CYP7B1: variants seen among roughly 807,000 people sequenced by gnomAD.
CYP7B1 encodes the protein cytochrome P450 family 7 subfamily B member 1.
In CYP7B1, 29 loss-of-function variants were observed where a neutral mutation model predicts 42.7. That is an observed-to-expected ratio of 0.68 (90% confidence interval 0.51 to 0.93). The LOEUF (loss-of-function observed/expected upper bound fraction) is 0.93. Among genes scored for constraint, CYP7B1 ranks in the 40% least tolerant of loss-of-function variants. The pLI is 0.00. For synonymous variants in CYP7B1, 235 were observed against 218.2 expected (o/e 1.08, Z -0.68); for missense variants, 655 against 600.5 (o/e 1.09, Z -0.95).
chr8:64,636,002 G>A (rs1035896155), intron 1 of CYP7B1, among the ~76,000 whole-genome samples: 1 of 152,136 alleles, frequency 6.6e-6, no homozygotes, highest in Non-Finnish European at 1.5e-5. Context: ...AATCTGGGAG[G>A]GGTGCTTAGG....
intron 4 of CYP7B1, among the ~76,000 whole-genome samples, chr8:64,609,644 G>A (rs1028452464): frequency 3.9e-4 from 60 of 152,046 alleles, no homozygotes; most frequent in African/African-American, 1.4e-3. Flanking sequence ...AGTTGGAAAA[G>A]TACAGAATTA....
intron 1 of CYP7B1, among the ~76,000 whole-genome samples, chr8:64,655,400 G>A (rs1192513642): frequency 1.3e-5 from 2 of 152,142 alleles, no homozygotes; most frequent in African/African-American, 4.8e-5. Flanking sequence ...CATACATGTG[G>A]CCAACAAGCG....
At chr8:64,688,542 C>T (rs1806691143) in intron 1 of CYP7B1, among the ~76,000 whole-genome samples, 1 of 152,154 alleles carries the variant, frequency 6.6e-6, no homozygotes, top group Non-Finnish European at 1.5e-5. Context: ...CTTTAAAATG[C>T]ACACATCCCC....
chr8:64,790,356 A>G (rs1804597114), intron 1 of CYP7B1, among the ~76,000 whole-genome samples: 1 of 152,206 alleles, frequency 6.6e-6, no homozygotes, highest in Non-Finnish European at 1.5e-5. Context: ...CCATAGGAAT[A>G]AGGCAGCCAA....
At chr8:64,680,798 T>C (rs1435314452) in intron 1 of CYP7B1, among the ~76,000 whole-genome samples, 1 of 152,242 alleles carries the variant, frequency 6.6e-6, no homozygotes, top group East Asian at 1.9e-4. Flanking sequence ...TGTTATGTTA[T>C]ATTTGTGAGA....
intron 1 of CYP7B1, among the ~76,000 whole-genome samples, chr8:64,780,767 G>A (rs529477661): frequency 1.8e-4 from 27 of 152,140 alleles, no homozygotes; most frequent in Middle Eastern, 6.8e-3. Flanking sequence ...TTTCTTCTGC[G>A]GATGTGGCTC....
intron 1 of CYP7B1, among the ~76,000 whole-genome samples, chr8:64,773,866 C>A (rs1045254500): frequency 6.6e-6 from 1 of 152,114 alleles, no homozygotes; most frequent in Admixed American, 6.5e-5. Flanking sequence ...AATAAATAAC[C>A]CACTCCCATG....
intron 1 of CYP7B1, among the ~76,000 whole-genome samples, chr8:64,786,933 A>T (rs1563428129): frequency 6.6e-6 from 1 of 152,222 alleles, no homozygotes; most frequent in Non-Finnish European, 1.5e-5. Flanking sequence ...GAAGCTGCCA[A>T]AACTTGAGGC....
At chr8:64,751,244 A>G (rs13272719) in intron 1 of CYP7B1, among the ~76,000 whole-genome samples, 40,946 of 152,138 alleles carry the variant, frequency 0.27, 6,797 homozygotes, top group African/African-American at 0.47. Flanking sequence ...AACCACTGCT[A>G]GTATTTAGGT....
intron 1 of CYP7B1, among the ~76,000 whole-genome samples, chr8:64,771,846 GGACA>G (rs755650847): frequency 2.0e-5 from 3 of 152,162 alleles, no homozygotes; most frequent in African/African-American, 2.4e-5. Context: ...AGCTGAACAT[GGACA>G]GAGAAAAACA....
intron 1 of CYP7B1, among the ~76,000 whole-genome samples, chr8:64,677,704 T>TG (rs1375683909): frequency 3.6e-4 from 46 of 128,938 alleles, no homozygotes; most frequent in African/African-American, 1.3e-3. Flanking sequence ...CCACACTCCT[T>TG]GGTTTTTTTT....
At chr8:64,598,475 A>G (rs16931343) in intron 5 of CYP7B1, among the ~76,000 whole-genome samples, 6,132 of 152,216 alleles carry the variant, frequency 0.04, 450 homozygotes, top group African/African-American at 0.14. Flanking sequence ...AACCCAAATC[A>G]GTCTAAGTGA....
intron 1 of CYP7B1, among the ~76,000 whole-genome samples, chr8:64,780,348 A>T (rs1436058497): frequency 6.6e-6 from 1 of 152,144 alleles, no homozygotes; most frequent in Non-Finnish European, 1.5e-5. Context: ...AGGTGCTAAA[A>T]CTAAAGTAAA....
In CYP7B1 at chr8:64,667,561, T is replaced by C. The variant is rs1212797276; in HGVS notation, c.123-43022A>G. On this transcript the variant is annotated intron_variant, in intron 1 of 5. Transcript: ENST00000310193. ...ATAAGGAAGATAATAATAATAACTA[T>C]TATTATCTGATCTTTTTATATTAAA... 5.9e-5 allele frequency among the ~76,000 whole-genome samples: 9 copies of C among 152,164 alleles called. No homozygotes were observed. The East Asian group carries it at 1.7e-3, about 29-fold the overall frequency.
In CYP7B1 at chr8:64,629,551, CTA is replaced by C. The variant is rs1805658839; in HGVS notation, c.123-5014_123-5013del. On this transcript the variant is annotated intron_variant, in intron 1 of 5. Coordinates refer to ENST00000310193, the MANE Select transcript of CYP7B1 (RefSeq NM_004820.5). ...GTGTATGTGGTTAAAATTTCAGAAA[CTA>C]CACAACTGATATACATTACAGTATC... Among the ~76,000 whole-genome samples the C allele has an allele frequency of 2.0e-5, 3 of 151,650 alleles. No homozygotes were observed. In the South Asian group the frequency reaches 6.2e-4, roughly 31 times the overall value.
At chr8:64,777,845 T>A (rs1209700951) in intron 1 of CYP7B1, among the ~76,000 whole-genome samples, 2 of 151,810 alleles carry the variant, frequency 1.3e-5, no homozygotes, top group Non-Finnish European at 2.9e-5. Context: ...ATATGGAGAA[T>A]TTCAGTATAG....
At chr8:64,626,198 G>T (rs1379727158) in intron 1 of CYP7B1, among the ~76,000 whole-genome samples, 2 of 152,250 alleles carry the variant, frequency 1.3e-5, no homozygotes, top group East Asian at 3.9e-4. Flanking sequence ...TGCAAGACTT[G>T]GAGTCCCACA....
chr8:64,634,541 T>C (rs1003837824), intron 1 of CYP7B1, among the ~76,000 whole-genome samples: 4 of 148,264 alleles, frequency 2.7e-5, no homozygotes, highest in East Asian at 2.0e-4. Context: ...ATTGCGCCAC[T>C]GCACTCCAGC....
At chr8:64,715,118 T>A (rs1397426028) in intron 1 of CYP7B1, among the ~76,000 whole-genome samples, 3 of 152,238 alleles carry the variant, frequency 2.0e-5, no homozygotes, top group Non-Finnish European at 4.4e-5. Flanking sequence ...TGAAATTTGA[T>A]AGAAATTAAG....
Sources: allele counts gnomAD v4.1 joint callset (sites outside exome capture counted in the v4.1 genomes callset), GRCh38; gene constraint gnomAD v4.1.1; transcripts MANE v1.5; gene names NCBI Gene and HGNC (gene_info 2026-07-23, HGNC 2026-07-21).